The following TRPC4AP variants were observed in gnomAD, a reference collection of about 807,000 sequenced individuals.
TRPC4AP encodes the protein transient receptor potential cation channel subfamily C member 4 associated protein.
TRPC4AP carries 45 observed loss-of-function variants against 99.0 expected under a neutral mutation model. The observed-to-expected ratio is 0.45, with a 90% CI of 0.36 to 0.58. The LOEUF is 0.58. Ranked by LOEUF, TRPC4AP falls within the 20% of genes least tolerant of loss-of-function variation. The pLI is 0.00. For missense variants in TRPC4AP, 879 were observed against 985.3 expected (o/e 0.89, Z 1.44); for synonymous variants, 408 against 385.8 (o/e 1.06, Z -0.67).
At chr20:35,068,791 AT>A (rs2084212298) in intron 3 of TRPC4AP, among the ~76,000 whole-genome samples, 2 of 152,068 alleles carry the variant, frequency 1.3e-5, no homozygotes, top group Middle Eastern at 3.4e-3. Context: ...AAGTGCTGGG[AT>A]TACAGGCGTG....
Position 35,005,705 on chromosome 20 carries a change from C to G in TRPC4AP, c.1926G>C (p.Val642=). 1.2e-6 allele frequency: 2 copies of G among 1,614,044 alleles called. No homozygotes were observed. The highest frequency in any genetic ancestry group is 8.5e-7 in the Non-Finnish European group (1 of 1,179,910). Reference sequence around the variant, plus strand: ...CTGCCTTTCATGTACCTTTCATATCCACCTGGTTTTCAAATCGGTCCAGGG... The same window carrying G: ...CTGCCTTTCATGTACCTTTCATATCGACCTGGTTTTCAAATCGGTCCAGGG... ...TLSLDRFENQ[V]DMKVAEVLSE... The change falls in exon 16 of 19, where the codon GTG becomes GTC. Residue 642 remains valine, a synonymous_variant. Coordinates refer to ENST00000252015, the MANE Select transcript of TRPC4AP (RefSeq NM_015638.3).
At chr20:35,052,386 G>A (rs1255751015) in intron 5 of TRPC4AP, among the ~76,000 whole-genome samples, 4 of 152,048 alleles carry the variant, frequency 2.6e-5, no homozygotes, top group Non-Finnish European at 4.4e-5. Flanking sequence ...GAGCCACTGC[G>A]CCCAGCCTAA....
intron 2 of TRPC4AP, among the ~76,000 whole-genome samples, chr20:35,071,825 G>A (rs1048685667): frequency 6.6e-6 from 1 of 152,152 alleles, no homozygotes; most frequent in Non-Finnish European, 1.5e-5. Flanking sequence ...GGGTCAAATG[G>A]TATTTCTAGT....
chr20:35,070,362 AACTCAT>A (rs1194443100), intron 2 of TRPC4AP, among the ~76,000 whole-genome samples: 15 of 151,856 alleles, frequency 9.9e-5, no homozygotes, highest in African/African-American at 3.6e-4. Flanking sequence ...AACAATCTAC[AACTCAT>A]TTGTAACATT....
At chr20:35,068,324 ACTT>A (rs1318382250) in intron 3 of TRPC4AP, among the ~76,000 whole-genome samples, 1 of 152,210 alleles carries the variant, frequency 6.6e-6, no homozygotes, top group East Asian at 1.9e-4. Context: ...AACTGACAAA[ACTT>A]CTTAGGTAGG....
chr20:35,034,999 T>C (rs2083286533), intron 8 of TRPC4AP, 124 bp downstream of exon 8: 4 of 1,022,010 alleles, frequency 3.9e-6, no homozygotes, highest in Non-Finnish European at 1.4e-6. Context: ...GGTCTAGAAT[T>C]GCCTTGAGGA....
chr20:35,034,973 G>A (rs1217629928), intron 8 of TRPC4AP, 150 bp downstream of exon 8: 1 of 726,016 alleles, frequency 1.4e-6, no homozygotes, highest in Non-Finnish European at 2.1e-6. Context: ...GCTGTCAAAA[G>A]AGTCTTAATA....
At chr20:35,084,458 G>GTGTGTATATATGTATATA (rs2084745312) in intron 1 of TRPC4AP, among the ~76,000 whole-genome samples, 1 of 147,210 alleles carries the variant, frequency 6.8e-6, no homozygotes, top group Admixed American at 7.1e-5. Context: ...ATGTATATAT[G>GTGTGTATATATGTATATA]TGTGTATATA....
intron 1 of TRPC4AP, among the ~76,000 whole-genome samples, chr20:35,090,377 CTT>C (rs71196792): frequency 3.4e-5 from 3 of 88,970 alleles, no homozygotes; most frequent in African/African-American, 4.6e-5. Context: ...ATCTGGTGAG[CTT>C]TTTTTTTTTT....
chr20:35,056,999 T>C (rs1419978806), intron 4 of TRPC4AP, among the ~76,000 whole-genome samples: 2 of 58,892 alleles, frequency 3.4e-5, no homozygotes, highest in Non-Finnish European at 6.8e-5. Context: ...AAAAAAAAAA[T>C]TGAATACCTA....
At chr20:35,012,324 T>C (rs2082656885) in intron 11 of TRPC4AP, among the ~76,000 whole-genome samples, 1 of 152,252 alleles carries the variant, frequency 6.6e-6, no homozygotes, top group Non-Finnish European at 1.5e-5. Flanking sequence ...AATCTTAATT[T>C]CTGCCTTTGC....
intron 5 of TRPC4AP, among the ~76,000 whole-genome samples, chr20:35,053,004 G>C (rs545205866): frequency 1.5e-4 from 23 of 152,002 alleles, no homozygotes; most frequent in Non-Finnish European, 2.6e-4. Context: ...GCACATAATT[G>C]AACCATATCG....
chr20:35,081,343 T>C (rs1482048809), intron 1 of TRPC4AP, among the ~76,000 whole-genome samples: 2 of 150,354 alleles, frequency 1.3e-5, no homozygotes, highest in Non-Finnish European at 3.0e-5. Context: ...TGAAACCCTG[T>C]CTCTACCAAA....
At position 35,021,345 on chromosome 20, in the gene TRPC4AP, A is replaced by C; in HGVS notation, c.1063T>G (p.Phe355Val). 1 of 1,613,870 alleles carries C rather than the reference A, an allele frequency of 6.2e-7. No individual in the cohort carries two copies. Among genetic ancestry groups the C allele is most frequent in the Non-Finnish European group, 8.5e-7 (1 of 1,179,878 alleles). The change falls in exon 9 of 19, where the codon TTC becomes GTC. Residue 355 changes from phenylalanine to valine, a missense_variant. Phe to Val is a conservative substitution (Grantham distance 50). This residue lies in a region of TRPC4AP where 603 missense variants were observed against 631.8 expected (regional missense o/e 0.95). Coordinates refer to ENST00000252015, the MANE Select transcript of TRPC4AP (RefSeq NM_015638.3). ...TCCTCAGAAGCCCCTGGAGGAGGGA[A>C]CACAATGGAGGCTGACACAGCCACC... ...ESEHNQASIV[F>V]PPPGASEENG...
At chr20:35,071,189 T>C (rs948605755) in intron 2 of TRPC4AP, among the ~76,000 whole-genome samples, 2 of 152,248 alleles carry the variant, frequency 1.3e-5, no homozygotes, top group African/African-American at 4.8e-5. Flanking sequence ...TACTATGTGA[T>C]ATAATAATCA....
At chr20:35,018,395 AGACCATCCT>A (rs942210502) in intron 9 of TRPC4AP, among the ~76,000 whole-genome samples, 1 of 152,144 alleles carries the variant, frequency 6.6e-6, no homozygotes. Context: ...CAGGAGTTTC[AGACCATCCT>A]GGCCAACATG....
At chr20:35,038,628 T>TC (rs1400478517) in intron 7 of TRPC4AP, among the ~76,000 whole-genome samples, 1 of 152,138 alleles carries the variant, frequency 6.6e-6, no homozygotes, top group African/African-American at 2.4e-5. Flanking sequence ...CCTCCCTCCT[T>TC]CCCCCGTCCC....
chr20:35,069,297 T>A lies in TRPC4AP; in HGVS notation c.413A>T (p.Asp138Val), dbSNP rs781441339. The A allele has an allele frequency of 1.9e-5, 30 of 1,566,494 alleles. No homozygotes were observed. Among genetic ancestry groups the A allele is most frequent in the Non-Finnish European group, 2.2e-5 (25 of 1,139,212 alleles). Reference protein sequence around the residue: ...TYIFDLFGGVDLLVEILMRPT... With the variant: ...TYIFDLFGGVVLLVEILMRPT... Reference sequence around the variant, plus strand: ...TAGTAATAATAAATAGCTACTTACATCAACACCTCCAAACAAGTCAAAAAT... The same window carrying A: ...TAGTAATAATAAATAGCTACTTACAACAACACCTCCAAACAAGTCAAAAAT... The change falls in exon 3 of 19, where the codon GAT (aspartate) becomes GTT (valine). Residue 138 changes from aspartate to valine, a missense_variant and splice_region_variant. This residue lies in a region of TRPC4AP where 603 missense variants were observed against 631.8 expected (regional missense o/e 0.95). Transcript: ENST00000252015.
intron 10 of TRPC4AP, among the ~76,000 whole-genome samples, chr20:35,013,570 T>C (rs917768835): frequency 1.3e-5 from 2 of 152,100 alleles, no homozygotes; most frequent in African/African-American, 4.8e-5. Context: ...TGATGGAGAC[T>C]CTGTCCCAAA....
Sources: allele counts gnomAD v4.1 joint callset (sites outside exome capture counted in the v4.1 genomes callset), GRCh38; gene constraint gnomAD v4.1.1; regional missense constraint gnomAD v4.1.1; transcripts MANE v1.5; gene names NCBI Gene and HGNC (gene_info 2026-07-23, HGNC 2026-07-21).